Variants in DNAH10 observed in about 807,000 individuals in gnomAD.
DNAH10 encodes axonemal beta dynein heavy chain 10.
In DNAH10, 348 loss-of-function variants were observed where a neutral mutation model predicts 506.6. The ratio of observed to expected loss-of-function variants is 0.69; its 90% confidence interval spans 0.63 to 0.75. The LOEUF (loss-of-function observed/expected upper bound fraction) is 0.75. Among genes scored for constraint, DNAH10 ranks in the 30% least tolerant of loss-of-function variants. The pLI, the probability that DNAH10 is intolerant of heterozygous loss-of-function variation, is 0.00. For missense variants in DNAH10, 5,179 were observed against 5,787.1 expected (o/e 0.89, Z 3.41); for synonymous variants, 2,059 against 2,198.6 (o/e 0.94, Z 1.78).
chr12:123,877,427 T>A (rs1211984775), intron 47 of DNAH10, among the ~76,000 whole-genome samples: 5 of 152,188 alleles, frequency 3.3e-5, no homozygotes, highest in African/African-American at 9.7e-5. Flanking sequence ...TTCTCCTGCC[T>A]CAGCCTCCTG....
chr12:123,829,977 C>G (rs1438099928), intron 25 of DNAH10, among the ~76,000 whole-genome samples: 2 of 152,208 alleles, frequency 1.3e-5, no homozygotes, highest in Admixed American at 6.5e-5. Flanking sequence ...CCCCTTCATA[C>G]CTCCTCTGGC....
In DNAH10 at chr12:123,854,711, T is replaced by G. The variant is rs116678455; in HGVS notation, c.6438+1359T>G. 2.9e-3 allele frequency among the ~76,000 whole-genome samples: 447 copies of G among 152,360 alleles called. 2 individuals are homozygous for G. The highest frequency in any genetic ancestry group is 0.01 in the African/African-American group (435 of 41,592). ...TGGTTTCTTCACATAGGAAATTAAC[T>G]TTGCTGTATTGTCTTTGGGCTTCTT... On this transcript the variant is annotated intron_variant, in intron 36 of 78. Transcript: ENST00000673944.
intron 78 of DNAH10, 49 bp from the exon 79 acceptor site, chr12:123,935,286 C>A: frequency 6.3e-7 from 1 of 1,586,308 alleles, no homozygotes; most frequent in Non-Finnish European, 8.6e-7. Flanking sequence ...GCCTTTATCC[C>A]TCTGCACCCT....
chr12:123,864,457 C>T (rs1951727027), intron 39 of DNAH10, 138 bp from the exon 40 acceptor site: 2 of 1,196,020 alleles, frequency 1.7e-6, no homozygotes, highest in Non-Finnish European at 2.2e-6. Context: ...ACCTCTGGGC[C>T]AACTAGGGTG....
chr12:123,842,774 C>T (rs1193261248), intron 30 of DNAH10, among the ~76,000 whole-genome samples: 1 of 152,142 alleles, frequency 6.6e-6, no homozygotes. Context: ...GCAAATATTC[C>T]TGCCATGGCT....
At position 123,913,967 on chromosome 12, in the gene DNAH10, C is replaced by G. The variant is rs969597667; in HGVS notation, c.10353-362C>G. On this transcript the variant is annotated intron_variant, in intron 60 of 78. Coordinates refer to ENST00000673944, the MANE Select transcript of DNAH10 (RefSeq NM_001372106.1). This position sits in a 1 kb window ranked among gnomAD's most constrained non-coding sequence, Gnocchi z 5.1. ...TCTTTTATCTTGGGTGGAATTCTGT[C>G]ATTGAGTGAGGCCAGAACTTGTTAG... 2.6e-5 allele frequency among the ~76,000 whole-genome samples: 4 copies of G among 152,150 alleles called. No homozygotes were observed. The highest frequency in any genetic ancestry group is 5.9e-5 in the Non-Finnish European group (4 of 68,026).
intron 10 of DNAH10, 56 bp from the exon 11 acceptor site, chr12:123,789,871 A>T (rs144143768): frequency 2.7e-6 from 4 of 1,500,588 alleles, no homozygotes; most frequent in Non-Finnish European, 3.7e-6. Flanking sequence ...TTGTAGTTCT[A>T]ATATTCACAG....
In DNAH10 at chr12:123,887,250, T is replaced by C. The variant is rs1283941621; in HGVS notation, c.8932T>C (p.Phe2978Leu). Residue 2978 changes from phenylalanine (F) to leucine (L), a missense_variant, in exon 52 of 79, where the codon TTC (phenylalanine) becomes CTC (leucine). By Grantham distance (22) the Phe-to-Leu change is conservative (BLOSUM62 0). Around this residue, in one of 3 missense-constraint regions of DNAH10, gnomAD observed 4,844 missense variants for 5,430.5 expected, o/e 0.89. Transcript: ENST00000673944. ...TGAGAACAAAGCGATGATCTTTCTGTTCACGGATGCCCATGTGGCTGAGGA... is the reference window on the plus strand; with the variant it reads ...TGAGAACAAAGCGATGATCTTTCTGCTCACGGATGCCCATGTGGCTGAGGA... ...GIENKAMIFL[F>L]TDAHVAEEGF... The C allele has an allele frequency of 5.0e-6, 8 of 1,614,002 alleles. No homozygotes were observed. Among genetic ancestry groups the C allele is most frequent in the South Asian group, 2.2e-5 (2 of 91,078 alleles).
At chr12:123,930,640 C>T (rs866614046) in intron 73 of DNAH10, 67 bp downstream of exon 73, 18 of 1,548,610 alleles carry the variant, frequency 1.2e-5, no homozygotes, top group Middle Eastern at 1.7e-4. Flanking sequence ...ACATTTCAAC[C>T]GGCTCCTCTC....
At chr12:123,893,604 G>A (rs924632017) in intron 53 of DNAH10, among the ~76,000 whole-genome samples, 168 bp downstream of exon 53, 5 of 152,230 alleles carry the variant, frequency 3.3e-5, no homozygotes, top group Non-Finnish European at 5.9e-5. Flanking sequence ...CCCCTTCTAG[G>A]TGCCAGTGGG....
Position 123,828,534 on chromosome 12 carries a change from A to G in DNAH10, c.4391+1636A>G, listed in dbSNP as rs555527777. On this transcript the variant is annotated intron_variant, in intron 25 of 78. Transcript: ENST00000673944. ...CTATTCCCATTCATTTTTCTGCAGC[A>G]GCAGGCATACTCGCCGAGTCTGCTT... Among the ~76,000 whole-genome samples the G allele has an allele frequency of 2.0e-5, 3 of 152,242 alleles. No individual in the cohort carries two copies. The East Asian group carries it at 5.8e-4, about 29-fold the overall frequency.
chr12:123,867,728 G>A lies in DNAH10; in HGVS notation c.7302+127G>A, dbSNP rs564248087. 186 of 1,433,742 alleles carry A rather than the reference G, an allele frequency of 1.3e-4. 1 individual carries two copies. The South Asian group carries it at 1.5e-3, about 11-fold the overall frequency. The allele number at this position is 1,433,742 out of a possible 1,614,324, so 88.8% of individuals were successfully genotyped here. On this transcript the variant is annotated intron_variant, in intron 42 of 78. Coordinates refer to ENST00000673944, the MANE Select transcript of DNAH10 (RefSeq NM_001372106.1). The stretch of plus-strand genomic sequence containing the variant: ...TAGCATTGTTGGTCAGTGCCAAGGC[G>A]GGCGCCGTGCTTGCTTTTGTGCAAG...
At chr12:123,934,553 T>C (rs1955392867) in intron 77 of DNAH10, 68 bp from the exon 78 acceptor site, 1 of 1,587,446 alleles carries the variant, frequency 6.3e-7, no homozygotes, top group East Asian at 2.3e-5. Flanking sequence ...TGTGTGCGCC[T>C]GATAGAGCCA....
At position 123,907,262 on chromosome 12, in the gene DNAH10, G is replaced by C. The variant is rs763564525; in HGVS notation, c.9816-1999G>C. ...CCTTCTCTGAGATTGCAAGGAGCTC[G>C]GCTGGAGAAAAAGCAGAGACAGCTG... On this transcript the variant is annotated intron_variant, in intron 57 of 78. Coordinates refer to ENST00000673944, the MANE Select transcript of DNAH10 (RefSeq NM_001372106.1). The surrounding 1 kb of genome is among the most constrained non-coding windows in gnomAD (Gnocchi z 4.4). 6.6e-6 allele frequency among the ~76,000 whole-genome samples: 1 copy of C among 152,200 alleles called. No homozygotes were observed. Among genetic ancestry groups the C allele is most frequent in the African/African-American group, 2.4e-5 (1 of 41,466 alleles).
chr12:123,934,779 G>C lies in DNAH10; in HGVS notation c.13623+13G>C. 2 of 1,613,056 alleles carry C rather than the reference G, an allele frequency of 1.2e-6. No homozygotes were observed. Among genetic ancestry groups the C allele is most frequent in the Non-Finnish European group, 1.7e-6 (2 of 1,179,824 alleles). On this transcript the variant is annotated intron_variant, in intron 78 of 78. Transcript: ENST00000673944. Reference sequence around the variant, plus strand: ...CCTCAAGCTGCAGGTGAAGGTCCCAGCCCCTCCTCTCTGACACCAGGGCCC... The same window carrying C: ...CCTCAAGCTGCAGGTGAAGGTCCCACCCCCTCCTCTCTGACACCAGGGCCC...
chr12:123,800,358 A>G lies in DNAH10; in HGVS notation c.2432A>G (p.Asn811Ser). The G allele has an allele frequency of 6.2e-7, 1 of 1,613,938 alleles. No individual in the cohort carries two copies. Among genetic ancestry groups the G allele is most frequent in the Non-Finnish European group, 8.5e-7 (1 of 1,179,988 alleles). The change falls in exon 15 of 79, where the codon AAT (asparagine) becomes AGT (serine). Residue 811 changes from asparagine (N) to serine (S), a missense_variant. Physicochemically the swap from Asn to Ser is conservative, Grantham distance 46. This residue lies in a region of DNAH10 where 4,844 missense variants were observed against 5,430.5 expected (regional missense o/e 0.89). Transcript: ENST00000673944. ...TTCACTGTCCCTGAATTAGCAAGAA[A>G]TGTTGCTCTCCAGGAAGACAAATTC... is the stretch of plus-strand genomic sequence containing the variant. The part of the protein sequence containing the change: ...LGFTVPELAR[N>S]VALQEDKFLR...
In DNAH10 at chr12:123,892,461, G is replaced by A. The variant is rs568501645; in HGVS notation, c.8996-772G>A. On this transcript the variant is annotated intron_variant, in intron 52 of 78. Coordinates refer to ENST00000673944, the MANE Select transcript of DNAH10 (RefSeq NM_001372106.1). ...CCCCATCATCCAGTCACCTCCCACC[G>A]GGCCCCACCTGTAACACTGGGGATC... 5.3e-5 allele frequency among the ~76,000 whole-genome samples: 8 copies of A among 152,204 alleles called. No individual in the cohort carries two copies. The East Asian group carries it at 1.2e-3, about 22-fold the overall frequency.
At position 123,868,043 on chromosome 12, in the gene DNAH10, C is replaced by T. The variant is rs61735933; in HGVS notation, c.7443C>T (p.Asp2481=). ...TTGAGGATGGAAGGATGAAATTTGA[C>T]GAATATATCAAACGCCTTGCTTCTT... is the stretch of plus-strand genomic sequence containing the variant. ...SLLEDGRMKF[D]EYIKRLASLS... is the part of the protein sequence containing the mutation. The change falls in exon 43 of 79, where the codon GAC becomes GAT. Residue 2481 remains aspartate, a synonymous_variant. Transcript: ENST00000673944. 13,506 of 1,613,840 alleles carry T rather than the reference C, an allele frequency of 8.4e-3. 522 individuals carry two copies. The African/African-American group carries it at 0.11, about 13-fold the overall frequency.
chr12:123,841,469 G>C lies in DNAH10; in HGVS notation c.5284G>C (p.Val1762Leu). The C allele has an allele frequency of 6.2e-7, 1 of 1,614,008 alleles. No homozygotes were observed. Among genetic ancestry groups the C allele is most frequent in the Non-Finnish European group, 8.5e-7 (1 of 1,179,890 alleles). Residue 1762 changes from valine (V) to leucine (L), a missense_variant, in exon 30 of 79, where the codon GTT (valine) becomes CTT (leucine). Transcript: ENST00000673944. Reference protein sequence around the residue: ...EGRVEDWMTAVLNEMRRTNRL... With the variant: ...EGRVEDWMTALLNEMRRTNRL... ...GCGCGTGGAGGACTGGATGACGGCA[G>C]TTTTGAATGAGATGAGAAGAACTAA...
Sources: allele counts gnomAD v4.1 joint callset (sites outside exome capture counted in the v4.1 genomes callset), GRCh38; gene constraint gnomAD v4.1.1; regional missense constraint gnomAD v4.1.1; non-coding constraint Gnocchi (gnomAD v3.1); transcripts MANE v1.5; gene names NCBI Gene and HGNC (gene_info 2026-07-23, HGNC 2026-07-21).